The following NPEPPS variants were observed in gnomAD, a reference collection of about 807,000 sequenced individuals.
The protein encoded by NPEPPS is puromycin-sensitive aminopeptidase.
In NPEPPS, 14 loss-of-function variants were observed where a neutral mutation model predicts 115.5. That is an observed-to-expected ratio of 0.12 (90% CI 0.08 to 0.19). NPEPPS has a LOEUF of 0.19. NPEPPS is among the 10% of genes least tolerant of loss of function. NPEPPS has a pLI of 1.00. For missense variants in NPEPPS, 523 were observed against 1,110.8 expected (o/e 0.47, Z 7.52); for synonymous variants, 285 against 390.6 (o/e 0.73, Z 3.19).
intron 10 of NPEPPS, among the ~76,000 whole-genome samples, chr17:47,591,140 G>T (rs192688434): frequency 6.6e-6 from 1 of 152,130 alleles, no homozygotes. Context: ...GGGAGGCTGA[G>T]GCAGGTGGAT....
chr17:47,621,885 C>T lies in NPEPPS; in HGVS notation c.2725C>T (p.Leu909Phe), dbSNP rs1233974124. The change falls in exon 23 of 23, where the codon CTC (leucine) becomes TTC (phenylalanine). Residue 909 changes from leucine (L) to phenylalanine (F), a missense_variant. Leu to Phe is a conservative substitution (Grantham distance 22). Transcript: ENST00000322157. ...KRDAESIHQY[L>F]LQRKASPPTV ...AGATGCTGAGAGCATCCACCAGTAC[C>T]TCCTTCAGCGGAAGGCCTCACCACC... is the stretch of plus-strand genomic sequence containing the variant. 1 of 1,613,594 alleles carries T rather than the reference C, an allele frequency of 6.2e-7. No homozygotes were observed. The highest frequency in any genetic ancestry group is 8.5e-7 in the Non-Finnish European group (1 of 1,179,692).
At chr17:47,608,714 CAA>C (rs1363979978) in intron 17 of NPEPPS, among the ~76,000 whole-genome samples, 1 of 151,944 alleles carries the variant, frequency 6.6e-6, no homozygotes, top group Non-Finnish European at 1.5e-5. Context: ...GAAGAAACAG[CAA>C]AAGAGATGGA....
Position 47,546,031 on chromosome 17 carries a change from G to A in NPEPPS, c.340+38G>A, listed in dbSNP as rs978135762. 5 of 1,525,064 alleles carry A rather than the reference G, an allele frequency of 3.3e-6. No homozygotes were observed. The African/African-American group carries it at 4.3e-5, about 13-fold the overall frequency. The allele number at this position is 1,525,064 out of a possible 1,614,324, so 94.5% of individuals were successfully genotyped here. On this transcript the variant is annotated intron_variant, in intron 2 of 22. Transcript: ENST00000322157. ...TTCCATTTTAATTTGCTGTCTGCAT[G>A]TGCATATGTGGGGTGTGTGTGTGTG... is the stretch of plus-strand genomic sequence containing the variant.
intron 2 of NPEPPS, among the ~76,000 whole-genome samples, chr17:47,553,851 A>C (rs1431370619): frequency 6.6e-6 from 1 of 151,540 alleles, no homozygotes; most frequent in African/African-American, 2.4e-5. Context: ...CCCAGGTTCA[A>C]GCGATTCTCC....
At chr17:47,542,022 G>A (rs1457971735) in intron 1 of NPEPPS, among the ~76,000 whole-genome samples, 1 of 152,064 alleles carries the variant, frequency 6.6e-6, no homozygotes, top group African/African-American at 2.4e-5. Context: ...GTTTAAATAT[G>A]TATTGGTTAT....
chr17:47,532,980 G>C (rs1445628531), intron 1 of NPEPPS, among the ~76,000 whole-genome samples: 1 of 152,136 alleles, frequency 6.6e-6, no homozygotes, highest in African/African-American at 2.4e-5. Flanking sequence ...TCTGGGGTCG[G>C]GGGAAATCAG....
chr17:47,535,336 G>A (rs1391924516), intron 1 of NPEPPS, among the ~76,000 whole-genome samples: 1 of 148,894 alleles, frequency 6.7e-6, no homozygotes, highest in Non-Finnish European at 1.5e-5. Flanking sequence ...CAGATCATGA[G>A]GTCAGGAGAT....
intron 15 of NPEPPS, among the ~76,000 whole-genome samples, chr17:47,602,929 T>C (rs1332607882): frequency 2.0e-5 from 3 of 152,148 alleles, no homozygotes; most frequent in East Asian, 3.8e-4. Context: ...AAAAAAGTTA[T>C]GTACACTACA....
In NPEPPS at chr17:47,596,357, T is replaced by C. The variant is rs753943738; in HGVS notation, c.1431T>C (p.Asp477=). 3.9e-6 allele frequency: 6 copies of C among 1,550,092 alleles called. No homozygotes were observed. Among genetic ancestry groups the C allele is most frequent in the East Asian group, 2.3e-5 (1 of 43,480 alleles). ...TTATCATTGTTTATCTTCTAGAGGA[T>C]CTCTGGGAAAGTTTAGAAAATGCTA... ...KFQQKNAATE[D]LWESLENASG... The change falls in exon 13 of 23, where the codon GAT becomes GAC. Residue 477 remains aspartate (D), a synonymous_variant. Transcript: ENST00000322157.
At chr17:47,554,109 C>T (rs1190093353) in intron 2 of NPEPPS, among the ~76,000 whole-genome samples, 3 of 150,078 alleles carry the variant, frequency 2.0e-5, no homozygotes, top group African/African-American at 7.4e-5. Flanking sequence ...GGTGTGATCT[C>T]GGCTCACTGC....
rs1419641881 is a variant in NPEPPS at position 47,596,393 on chromosome 17, T to G, written c.1467T>G (p.Pro489=). The G allele has an allele frequency of 6.3e-7, 1 of 1,597,206 alleles. No individual in the cohort carries two copies. The highest frequency in any genetic ancestry group is 1.7e-5 in the Admixed American group (1 of 57,718). Residue 489 remains proline, a synonymous_variant, in exon 13 of 23, where the codon CCT becomes CCG. Coordinates refer to ENST00000322157, the MANE Select transcript of NPEPPS (RefSeq NM_006310.4). ...GTTTAGAAAATGCTAGTGGTAAACCTATAGCAGCTGTGATGAATACCTGGA... is the reference window on the plus strand; with the variant it reads ...GTTTAGAAAATGCTAGTGGTAAACCGATAGCAGCTGTGATGAATACCTGGA... The part of the protein sequence containing the change: ...WESLENASGK[P]IAAVMNTWTK...
At chr17:47,614,593 T>A (rs973822341) in intron 19 of NPEPPS, among the ~76,000 whole-genome samples, 5 of 152,230 alleles carry the variant, frequency 3.3e-5, no homozygotes, top group African/African-American at 9.6e-5. Context: ...GATAAAACTT[T>A]CCATGTCCTC....
intron 21 of NPEPPS, 54 bp from the exon 22 acceptor site, chr17:47,619,683 A>G (rs1261744444): frequency 7.1e-7 from 1 of 1,406,652 alleles, no homozygotes; most frequent in Non-Finnish European, 1.0e-6. Context: ...GGTAAATGGA[A>G]GTTTGTTCTC....
At chr17:47,580,922 C>G (rs1371245080) in intron 4 of NPEPPS, 3 of 151,414 alleles carry the variant, frequency 2.0e-5, no homozygotes, top group Non-Finnish European at 4.4e-5. Context: ...TCTTCCAAAT[C>G]ATGTAAACCA....
intron 1 of NPEPPS, among the ~76,000 whole-genome samples, chr17:47,544,188 C>T (rs1445036806): frequency 6.6e-6 from 1 of 152,058 alleles, no homozygotes; most frequent in Non-Finnish European, 1.5e-5. Flanking sequence ...GCCACCGTGC[C>T]CGGCCTTAAT....
intron 2 of NPEPPS, among the ~76,000 whole-genome samples, chr17:47,566,374 C>T (rs1292840510): frequency 2.0e-5 from 3 of 151,004 alleles, no homozygotes; most frequent in Admixed American, 2.0e-4. Context: ...TCCTTAATGA[C>T]TAATGATGCT....
At chr17:47,590,692 A>C (rs776014021) in intron 9 of NPEPPS, 25 bp from the exon 10 acceptor site, 11 of 1,604,398 alleles carry the variant, frequency 6.9e-6, no homozygotes, top group Non-Finnish European at 9.4e-6. Flanking sequence ...CATTTTCTTT[A>C]AGTATTTTCA....
intron 19 of NPEPPS, among the ~76,000 whole-genome samples, chr17:47,615,130 T>TA (rs1914126279): frequency 7.0e-6 from 1 of 142,232 alleles, no homozygotes; most frequent in Non-Finnish European, 1.5e-5. Flanking sequence ...CAGGCTGGAG[T>TA]GTAGTGGCAC....
At position 47,569,614 on chromosome 17, in the gene NPEPPS, G is replaced by A. The variant is rs1911069677; in HGVS notation, c.418+120G>A. 4 of 587,424 alleles carry A rather than the reference G, an allele frequency of 6.8e-6. No homozygotes were observed. The Middle Eastern group carries it at 8.2e-4, about 120-fold the overall frequency. 36.4% of individuals were successfully genotyped at this position (587,424 alleles called of 1,614,324 possible). On this transcript the variant is annotated intron_variant, in intron 3 of 22. Transcript: ENST00000322157. ...GTTATTAGCAGATTAAGTATTAAGA[G>A]CTTTTTTTTTTTTTTTCCTTTGAGA...
Sources: allele counts gnomAD v4.1 joint callset (sites outside exome capture counted in the v4.1 genomes callset), GRCh38; gene constraint gnomAD v4.1.1; transcripts MANE v1.5; gene names NCBI Gene and HGNC (gene_info 2026-07-23, HGNC 2026-07-21).